PARD3B: variants seen among roughly 807,000 people sequenced by gnomAD.
The protein encoded by PARD3B is par-3 family cell polarity regulator beta.
In PARD3B, 103 loss-of-function variants were observed where a neutral mutation model predicts 130.2. That is an observed-to-expected ratio of 0.79 (90% confidence interval 0.67 to 0.93). The LOEUF is 0.93. PARD3B is among the 40% of genes least tolerant of loss of function. The pLI, the probability that PARD3B is intolerant of heterozygous loss-of-function variation, is 0.00. For missense variants in PARD3B, 1,609 were observed against 1,499.2 expected (o/e 1.07, Z -1.21); for synonymous variants, 583 against 553.2 (o/e 1.05, Z -0.76).
At chr2:205,046,208 T>C (rs540408825) in intron 3 of PARD3B, among the ~76,000 whole-genome samples, 9 of 152,036 alleles carry the variant, frequency 5.9e-5, no homozygotes, top group Middle Eastern at 3.2e-3. Context: ...GGGATCCTAC[T>C]TTCTTAAAAT....
Position 205,352,441 on chromosome 2 carries a change from T to C in PARD3B, c.2631-48572T>C, listed in dbSNP as rs1333877376. ...TTTAAGATAATTAACTTCACAGTTC[T>C]AAGTCAGATCTATGCCAGTCACAGA... On this transcript the variant is annotated intron_variant, in intron 18 of 22. Coordinates refer to ENST00000406610, the MANE Select transcript of PARD3B (RefSeq NM_001302769.2). This position sits in a 1 kb window ranked among gnomAD's most constrained non-coding sequence, Gnocchi z 5.2. Among the ~76,000 whole-genome samples, 1 of 152,220 alleles carries C rather than the reference T, an allele frequency of 6.6e-6. No individual in the cohort carries two copies.
At chr2:204,658,306 A>G (rs1423623434) in intron 1 of PARD3B, among the ~76,000 whole-genome samples, 4 of 152,164 alleles carry the variant, frequency 2.6e-5, no homozygotes, top group Admixed American at 2.6e-4. Flanking sequence ...AGTACTAGGC[A>G]TGGAGTTGGT....
chr2:204,609,513 T>A (rs2033849144), intron 1 of PARD3B, among the ~76,000 whole-genome samples: 1 of 152,202 alleles, frequency 6.6e-6, no homozygotes. Flanking sequence ...TACATTGGTT[T>A]AGCCTAAAGA....
At chr2:204,752,352 G>A (rs950233163) in intron 2 of PARD3B, among the ~76,000 whole-genome samples, 4 of 152,094 alleles carry the variant, frequency 2.6e-5, no homozygotes, top group African/African-American at 9.7e-5. Context: ...ACTTGGTAAA[G>A]TGCCACATAA....
In PARD3B at chr2:205,236,528, C is replaced by T. The variant is rs189164338; in HGVS notation, c.2141-9250C>T. ...TGCCCCAGGAGAAATCAGCACTGCT[C>T]ACAGGTTGATCTTGGACTTCTATCC... On this transcript the variant is annotated intron_variant, in intron 15 of 22. Transcript: ENST00000406610. 5.2e-3 allele frequency among the ~76,000 whole-genome samples: 790 copies of T among 152,234 alleles called. 2 individuals carry two copies. The highest frequency in any genetic ancestry group is 8.4e-3 in the Non-Finnish European group (570 of 68,016).
At chr2:204,692,950 G>C (rs2037425528) in intron 2 of PARD3B, among the ~76,000 whole-genome samples, 1 of 151,976 alleles carries the variant, frequency 6.6e-6, no homozygotes, top group Non-Finnish European at 1.5e-5. Context: ...AGCTGATTTA[G>C]TTCCTGAGTC....
intron 2 of PARD3B, among the ~76,000 whole-genome samples, chr2:204,793,293 G>A (rs6435252): frequency 0.24 from 37,142 of 151,884 alleles, 7,919 homozygotes; most frequent in African/African-American, 0.57. Flanking sequence ...TCTATTCTCT[G>A]CTACTTCATT....
At chr2:204,640,820 T>G (rs2035050335) in intron 1 of PARD3B, among the ~76,000 whole-genome samples, 1 of 151,744 alleles carries the variant, frequency 6.6e-6, no homozygotes, top group African/African-American at 2.4e-5. Context: ...GGCACTGTTC[T>G]TGGTGTACTA....
At position 205,142,646 on chromosome 2, in the gene PARD3B, G is replaced by A. The variant is rs1335440483; in HGVS notation, c.1435-16076G>A. Among the ~76,000 whole-genome samples, 3 of 152,076 alleles carry A rather than the reference G, an allele frequency of 2.0e-5. No homozygotes were observed. Among genetic ancestry groups the A allele is most frequent in the Admixed American group, 1.3e-4 (2 of 15,274 alleles). On this transcript the variant is annotated intron_variant, in intron 10 of 22. Transcript: ENST00000406610. This position sits in a 1 kb window ranked among gnomAD's most constrained non-coding sequence, Gnocchi z 4.3. ...TGTAATCCCAACACTTTGGGAGGCC[G>A]AGGTGGGCGGATCAAGAGGTCAGGA...
chr2:204,908,872 A>G (rs2047130389), intron 2 of PARD3B, among the ~76,000 whole-genome samples: 1 of 152,208 alleles, frequency 6.6e-6, no homozygotes, highest in Non-Finnish European at 1.5e-5. Context: ...GTTTCCATAA[A>G]TATAGTGAAT....
At position 205,616,186 on chromosome 2, in the gene PARD3B, T is replaced by C. The variant is rs2105808807; in HGVS notation, c.*373T>C. The C allele has an allele frequency of 1.1e-5, 2 of 188,010 alleles. No individual in the cohort carries two copies. The highest frequency in any genetic ancestry group is 2.2e-5 in the Non-Finnish European group (2 of 92,356). 11.6% of individuals were successfully genotyped at this position (188,010 alleles called of 1,614,324 possible). On this transcript the variant is annotated 3_prime_UTR_variant, in exon 23 of 23. Coordinates refer to ENST00000406610, the MANE Select transcript of PARD3B (RefSeq NM_001302769.2). ...GTGCTGATGTGCAGACACGTGGACA[T>C]CCCCCTCTGAGACTGGCGGTCCAGA...
intron 21 of PARD3B, among the ~76,000 whole-genome samples, chr2:205,519,825 G>T (rs886166136): frequency 8.5e-5 from 13 of 152,172 alleles, no homozygotes; most frequent in Non-Finnish European, 1.5e-4. Flanking sequence ...TCTTATCTCT[G>T]GTTTCAGAGG....
chr2:205,522,446 T>G (rs1473301476), intron 21 of PARD3B, among the ~76,000 whole-genome samples: 1 of 152,146 alleles, frequency 6.6e-6, no homozygotes, highest in Non-Finnish European at 1.5e-5. Flanking sequence ...TCTCCCATTT[T>G]TGCCTGGTGG....
chr2:205,047,787 A>G, intron 4 of PARD3B, 97 bp downstream of exon 4: 5 of 785,878 alleles, frequency 6.4e-6, no homozygotes, highest in South Asian at 5.2e-5. Context: ...TGATAACTAG[A>G]TAGAGATCTT....
chr2:205,339,190 T>C (rs1355697944), intron 18 of PARD3B, among the ~76,000 whole-genome samples: 16 of 152,146 alleles, frequency 1.1e-4, no homozygotes, highest in Admixed American at 1.0e-3. Flanking sequence ...CTAAGAAATA[T>C]CTTAAGTCAA....
intron 1 of PARD3B, among the ~76,000 whole-genome samples, chr2:204,681,552 A>G (rs1416612646): frequency 6.6e-6 from 1 of 152,226 alleles, no homozygotes; most frequent in East Asian, 1.9e-4. Context: ...GGGCTGGTTC[A>G]TAATAAACTG....
intron 16 of PARD3B, among the ~76,000 whole-genome samples, chr2:205,294,720 C>T (rs568011890): frequency 1.3e-4 from 19 of 151,954 alleles, no homozygotes; most frequent in Non-Finnish European, 2.2e-4. Context: ...TTTCAGGAAA[C>T]GATAAAAGAC....
At chr2:204,867,169 A>G (rs2045459329) in intron 2 of PARD3B, among the ~76,000 whole-genome samples, 1 of 152,148 alleles carries the variant, frequency 6.6e-6, no homozygotes, top group Non-Finnish European at 1.5e-5. Context: ...TTTTTCAGGA[A>G]TACAAATGCA....
chr2:205,489,155 T>C (rs2049566991), intron 20 of PARD3B, among the ~76,000 whole-genome samples: 1 of 152,148 alleles, frequency 6.6e-6, no homozygotes, highest in African/African-American at 2.4e-5. Flanking sequence ...ACCAAAATTA[T>C]CGTATTAAAC....
Sources: allele counts gnomAD v4.1 joint callset (sites outside exome capture counted in the v4.1 genomes callset), GRCh38; gene constraint gnomAD v4.1.1; non-coding constraint Gnocchi (gnomAD v3.1); transcripts MANE v1.5; gene names NCBI Gene and HGNC (gene_info 2026-07-23, HGNC 2026-07-21).